Variants in GATA5 observed in about 807,000 individuals in gnomAD.
GATA5 encodes transcription factor GATA-5.
GATA5 carries 27 observed loss-of-function variants against 35.0 expected under a neutral mutation model. The ratio of observed to expected loss-of-function variants is 0.77; its 90% CI spans 0.57 to 1.06. The LOEUF is 1.06. Among genes scored for constraint, GATA5 ranks in the 50% least tolerant of loss-of-function variants. GATA5 has a pLI of 0.00. For synonymous variants in GATA5, 306 were observed against 267.8 expected (o/e 1.14, Z -1.39); for missense variants, 612 against 580.0 (o/e 1.06, Z -0.57).
chr20:62,472,362 C>T (rs1202232702), intron 3 of GATA5, among the ~76,000 whole-genome samples: 5 of 152,232 alleles, frequency 3.3e-5, no homozygotes, highest in Non-Finnish European at 5.9e-5. Context: ...CCCAGGATTT[C>T]CCCTCAGCCT....
chr20:62,468,304 A>G (rs1300251119), intron 3 of GATA5, among the ~76,000 whole-genome samples: 5 of 152,188 alleles, frequency 3.3e-5, no homozygotes, highest in Admixed American at 2.6e-4. Flanking sequence ...CATCTGTTAT[A>G]GCCTGCCTCG....
At chr20:62,466,864 C>T (rs1989605697) in intron 3 of GATA5, among the ~76,000 whole-genome samples, 1 of 152,230 alleles carries the variant, frequency 6.6e-6, no homozygotes, top group Non-Finnish European at 1.5e-5. Context: ...TCCCTATTGT[C>T]TCTTTATCAC....
chr20:62,474,315 G>C (rs983476820), intron 2 of GATA5, among the ~76,000 whole-genome samples: 58 of 152,184 alleles, frequency 3.8e-4, no homozygotes, highest in Non-Finnish European at 7.8e-4. Flanking sequence ...TCGCCCCGCC[G>C]GGGGTGGGCG....
intron 3 of GATA5, 68 bp from the exon 4 acceptor site, chr20:62,466,619 C>G: frequency 6.6e-7 from 1 of 1,510,302 alleles, no homozygotes; most frequent in Non-Finnish European, 8.9e-7. Context: ...GGGACGGAAG[C>G]GAGACTCAGG....
intron 3 of GATA5, 73 bp downstream of exon 3, chr20:62,473,330 C>A: frequency 6.6e-7 from 1 of 1,511,980 alleles, no homozygotes; most frequent in East Asian, 2.4e-5. Context: ...TCTGGTGTCA[C>A]CTGGGTGGAT....
intron 2 of GATA5, 27 bp downstream of exon 2, chr20:62,474,972 C>T: frequency 7.8e-7 from 1 of 1,282,564 alleles, no homozygotes; most frequent in South Asian, 2.4e-5. Flanking sequence ...CTCCTGGGCC[C>T]CGAGACTGTG....
chr20:62,475,124 G>C lies in GATA5; in HGVS notation c.398C>G (p.Pro133Arg). Reference protein sequence around the residue: ...REQFAAPLGRPVGTSYSATYP... With the variant: ...REQFAAPLGRRVGTSYSATYP... ...GGTGGCGGAGTACGAGGTCCCCACCGGCCGCCCAAGCGGGGCCGCGAACTG... is the reference window on the plus strand; with the variant it reads ...GGTGGCGGAGTACGAGGTCCCCACCCGCCGCCCAAGCGGGGCCGCGAACTG... The change falls in exon 2 of 7, where the codon CCG becomes CGG. Residue 133 changes from proline to arginine, a missense_variant. Transcript: ENST00000252997. 1 of 1,375,332 alleles carries C rather than the reference G, an allele frequency of 7.3e-7. No individual in the cohort carries two copies. The highest frequency in any genetic ancestry group is 9.4e-7 in the Non-Finnish European group (1 of 1,061,348). 85.2% of individuals were successfully genotyped at this position (1,375,332 alleles called of 1,614,324 possible).
At chr20:62,468,491 G>T (rs558286510) in intron 3 of GATA5, among the ~76,000 whole-genome samples, 2 of 152,334 alleles carry the variant, frequency 1.3e-5, no homozygotes, top group Admixed American at 1.3e-4. Context: ...CAAACTCAAG[G>T]CCCCCTCAAC....
chr20:62,466,390 G>C, intron 4 of GATA5, 36 bp downstream of exon 4: 1 of 1,550,408 alleles, frequency 6.4e-7, no homozygotes, highest in Non-Finnish European at 8.7e-7. Flanking sequence ...AGGCTGGACA[G>C]AGGCCTCCCC....
intron 5 of GATA5, 147 bp downstream of exon 5, chr20:62,465,687 G>A: frequency 1.2e-6 from 1 of 850,196 alleles, no homozygotes; most frequent in Non-Finnish European, 1.8e-6. Flanking sequence ...ACCCCCCCCA[G>A]CAAGGTCACC....
chr20:62,473,695 C>T (rs2146488678), intron 2 of GATA5, 117 bp from the exon 3 acceptor site: 2 of 864,750 alleles, frequency 2.3e-6, no homozygotes, highest in Non-Finnish European at 3.5e-6. Context: ...GACGAATAAA[C>T]TTAAGGCACA....
intron 3 of GATA5, 79 bp from the exon 4 acceptor site, chr20:62,466,630 T>C (rs1555896131): frequency 6.7e-7 from 1 of 1,491,810 alleles, no homozygotes; most frequent in Non-Finnish European, 9.0e-7. Context: ...GAGACTCAGG[T>C]CGGCCTTGCG....
Position 62,465,418 on chromosome 20 carries a change from A to AC in GATA5, c.959_960insG (p.Asp321Ter). On this transcript the variant is annotated frameshift_variant, in exon 6 of 7. Coordinates refer to ENST00000252997, the MANE Select transcript of GATA5 (RefSeq NM_080473.5). LOFTEE classifies it high-confidence loss of function. Reference sequence around the variant, plus strand: ...CTTTCGAAGTGGCTGCTGAGCTGTCAGTGCTGGCGACAGCAGATGGGGAGG... The same window carrying AC: ...CTTTCGAAGTGGCTGCTGAGCTGTCACGTGCTGGCGACAGCAGATGGGGAGG... The AC allele has an allele frequency of 6.2e-7, 1 of 1,608,580 alleles. No homozygotes were observed. Among genetic ancestry groups the AC allele is most frequent in the Non-Finnish European group, 8.5e-7 (1 of 1,179,560 alleles).
intron 5 of GATA5, among the ~76,000 whole-genome samples, 155 bp downstream of exon 5, chr20:62,465,679 C>A (rs144841022): frequency 2.5e-4 from 38 of 152,174 alleles, no homozygotes; most frequent in Non-Finnish European, 3.2e-4. Context: ...CACCCCACAC[C>A]CCCCCCAGCA....
chr20:62,467,915 G>A (rs1380091960), intron 3 of GATA5, among the ~76,000 whole-genome samples: 1 of 150,604 alleles, frequency 6.6e-6, no homozygotes, highest in Admixed American at 6.6e-5. Flanking sequence ...GCCAGCCTCA[G>A]TTTTCCTGTC....
chr20:62,464,636 C>T lies in GATA5; in HGVS notation c.*200G>A, dbSNP rs1989530467. On this transcript the variant is annotated 3_prime_UTR_variant, in exon 7 of 7. Transcript: ENST00000252997. ...GTGGGGTGGGAAGCTGAGCCCTTCC[C>T]TCACCAGCCTTCTTGCTCTGGGGCC... The T allele has an allele frequency of 2.1e-6, 1 of 469,202 alleles. No individual in the cohort carries two copies. The highest frequency in any genetic ancestry group is 3.7e-6 in the Non-Finnish European group (1 of 271,082). The allele number at this position is 469,202 out of a possible 1,614,324, so 29.1% of individuals were successfully genotyped here. A position where few individuals can be genotyped will look rare whatever the true frequency, so the allele number is the denominator to read the frequency against.
intron 3 of GATA5, 130 bp from the exon 4 acceptor site, chr20:62,466,681 G>T: frequency 9.9e-7 from 1 of 1,014,880 alleles, no homozygotes; most frequent in Non-Finnish European, 1.4e-6. Flanking sequence ...GCTCTGCAAT[G>T]GCCTCGCCTG....
At chr20:62,473,970 G>A (rs1555896844) in intron 2 of GATA5, among the ~76,000 whole-genome samples, 1 of 152,022 alleles carries the variant, frequency 6.6e-6, no homozygotes. Flanking sequence ...TACACTGGCA[G>A]GGGAGGGATG....
intron 3 of GATA5, among the ~76,000 whole-genome samples, chr20:62,471,118 G>A (rs1276687564): frequency 1.3e-5 from 2 of 152,164 alleles, no homozygotes; most frequent in Admixed American, 6.5e-5. Context: ...CCCAGCCCAG[G>A]AGTCTGGGAT....
Sources: gnomAD v4.1 joint callset for allele counts (sites outside exome capture counted in the v4.1 genomes callset) on GRCh38, gnomAD v4.1.1 for gene constraint, MANE v1.5 for transcripts, NCBI Gene and HGNC (gene_info 2026-07-23, HGNC 2026-07-21) for gene names.